MPPED2: variants seen among roughly 807,000 people sequenced by gnomAD.
MPPED2 encodes the protein metallophosphoesterase MPPED2.
Under a neutral mutation model 33.0 loss-of-function variants are expected in MPPED2, and 5 were observed. The ratio of observed to expected loss-of-function variants is 0.15; its 90% CI spans 0.08 to 0.32. MPPED2 has a LOEUF of 0.32. Among genes scored for constraint, MPPED2 ranks in the 10% least tolerant of loss-of-function variants. The pLI, the probability that MPPED2 is intolerant of heterozygous loss-of-function variation, is 1.00. For synonymous variants in MPPED2, 136 were observed against 141.9 expected (o/e 0.96, Z 0.29); for missense variants, 275 against 372.1 (o/e 0.74, Z 2.15).
At chr11:30,495,586 G>T in intron 3 of MPPED2, 65 bp from the exon 4 acceptor site, 1 of 1,223,940 alleles carries the variant, frequency 8.2e-7, no homozygotes, top group Non-Finnish European at 1.2e-6. Context: ...CAACAGCCGA[G>T]ACTGTGTGAT....
At chr11:30,561,176 T>G (rs1323529709) in intron 2 of MPPED2, among the ~76,000 whole-genome samples, 4 of 152,196 alleles carry the variant, frequency 2.6e-5, no homozygotes, top group Admixed American at 2.6e-4. Context: ...ATGGACTGCA[T>G]AGATATATAA....
chr11:30,478,836 C>A (rs17309178), intron 4 of MPPED2, among the ~76,000 whole-genome samples: 1 of 152,006 alleles, frequency 6.6e-6, no homozygotes, highest in African/African-American at 2.4e-5. Flanking sequence ...TCGTTTTGAA[C>A]GGAAGAAGGA....
chr11:30,585,169 T>C (rs2134975747), intron 1 of MPPED2, among the ~76,000 whole-genome samples: 1 of 152,134 alleles, frequency 6.6e-6, no homozygotes, highest in East Asian at 1.9e-4. Flanking sequence ...TTGTTATACG[T>C]AAATAGCAAA....
intron 6 of MPPED2, among the ~76,000 whole-genome samples, chr11:30,413,588 T>A (rs1948209841): frequency 6.6e-6 from 1 of 152,236 alleles, no homozygotes; most frequent in South Asian, 2.1e-4. Context: ...AGTTCCTATT[T>A]AAGAGAGATT....
intron 4 of MPPED2, among the ~76,000 whole-genome samples, chr11:30,443,463 T>TTATA (rs1257016812): frequency 6.6e-6 from 1 of 152,252 alleles, no homozygotes; most frequent in East Asian, 1.9e-4. Context: ...ATTGTCTTCC[T>TTATA]TATATATCAC....
intron 4 of MPPED2, 174 bp downstream of exon 4, chr11:30,495,122 T>C: frequency 1.6e-6 from 1 of 609,794 alleles, no homozygotes; most frequent in Middle Eastern, 2.7e-4. Context: ...TCTATCACAA[T>C]GAAAACAACA....
chr11:30,510,577 AT>A (rs1953112663), intron 3 of MPPED2, among the ~76,000 whole-genome samples: 1 of 152,132 alleles, frequency 6.6e-6, no homozygotes, highest in Non-Finnish European at 1.5e-5. Context: ...TTAGTATTTC[AT>A]TTCTACATGT....
rs755155417 is a variant in MPPED2 at position 30,580,387 on chromosome 11, A to G, written c.-14T>C. The G allele has an allele frequency of 1.9e-6, 3 of 1,613,690 alleles. No homozygotes were observed. The highest frequency in any genetic ancestry group is 1.7e-6 in the Non-Finnish European group (2 of 1,179,880). ...CCCATGTGCCATCCTTCCTCCCTATAGGCATGAGCAATTCACAACTTTACA... is the reference window on the plus strand; with the variant it reads ...CCCATGTGCCATCCTTCCTCCCTATGGGCATGAGCAATTCACAACTTTACA... On this transcript the variant is annotated 5_prime_UTR_variant, in exon 2 of 7. Coordinates refer to ENST00000358117, the MANE Select transcript of MPPED2 (RefSeq NM_001584.3).
chr11:30,442,164 T>C (rs1195702944), intron 4 of MPPED2, among the ~76,000 whole-genome samples: 4 of 152,140 alleles, frequency 2.6e-5, no homozygotes, highest in African/African-American at 9.7e-5. Context: ...CTCCCAAAGA[T>C]GGCAGTTTAA....
chr11:30,437,307 C>G (rs1034400716), intron 4 of MPPED2, among the ~76,000 whole-genome samples: 6 of 152,166 alleles, frequency 3.9e-5, no homozygotes, highest in African/African-American at 1.4e-4. Flanking sequence ...TTCTATTAAA[C>G]AGCTTACACA....
chr11:30,546,023 T>G (rs1278704747), intron 2 of MPPED2, among the ~76,000 whole-genome samples: 1 of 152,190 alleles, frequency 6.6e-6, no homozygotes, highest in Non-Finnish European at 1.5e-5. Flanking sequence ...CCACGCCATG[T>G]TGGCCAGGCT....
intron 4 of MPPED2, among the ~76,000 whole-genome samples, chr11:30,455,487 C>A (rs975734692): frequency 2.0e-5 from 3 of 152,170 alleles, no homozygotes; most frequent in African/African-American, 2.4e-5. Context: ...GGCAATAGTT[C>A]TATTTTTATT....
intron 6 of MPPED2, among the ~76,000 whole-genome samples, chr11:30,411,878 T>C (rs998257446): frequency 6.6e-6 from 1 of 152,082 alleles, no homozygotes; most frequent in Non-Finnish European, 1.5e-5. Flanking sequence ...AAAGAAAAAC[T>C]TTTTTCCTCC....
At chr11:30,563,027 C>T (rs1207712997) in intron 2 of MPPED2, among the ~76,000 whole-genome samples, 4 of 152,128 alleles carry the variant, frequency 2.6e-5, no homozygotes, top group Admixed American at 2.6e-4. Context: ...GCATCAGGCA[C>T]TGTACTATGC....
intron 3 of MPPED2, among the ~76,000 whole-genome samples, chr11:30,510,804 G>C (rs1031462809): frequency 7.9e-5 from 12 of 152,292 alleles, no homozygotes; most frequent in Admixed American, 7.8e-4. Flanking sequence ...TTTTTGCAGG[G>C]CTTAACTTAA....
intron 4 of MPPED2, among the ~76,000 whole-genome samples, chr11:30,483,375 T>C (rs879597406): frequency 6.6e-6 from 1 of 152,208 alleles, no homozygotes; most frequent in Admixed American, 6.5e-5. Context: ...AAGTGCTTTC[T>C]TATTATTATT....
At chr11:30,513,481 G>A (rs1235292448) in intron 3 of MPPED2, among the ~76,000 whole-genome samples, 4 of 152,170 alleles carry the variant, frequency 2.6e-5, no homozygotes, top group African/African-American at 9.7e-5. Flanking sequence ...ATTGTTAAAA[G>A]TATAGTTCCT....
chr11:30,429,643 G>T (rs1043936686), intron 4 of MPPED2, among the ~76,000 whole-genome samples: 1 of 152,114 alleles, frequency 6.6e-6, no homozygotes, highest in Non-Finnish European at 1.5e-5. Context: ...CTGGCAGGGC[G>T]CTCTGGGGAG....
At chr11:30,501,922 G>A (rs757768004) in intron 3 of MPPED2, among the ~76,000 whole-genome samples, 5 of 152,168 alleles carry the variant, frequency 3.3e-5, no homozygotes, top group African/African-American at 9.6e-5. Context: ...CAATCTAGTG[G>A]TTTGAAGCTG....
Sources: gnomAD v4.1 joint callset for allele counts (sites outside exome capture counted in the v4.1 genomes callset) on GRCh38, gnomAD v4.1.1 for gene constraint, MANE v1.5 for transcripts, NCBI Gene and HGNC (gene_info 2026-07-23, HGNC 2026-07-21) for gene names.